TANK: variants seen among roughly 807,000 people sequenced by gnomAD.
The protein encoded by TANK is TRAF family member associated NFKB activator.
TANK carries 15 observed loss-of-function variants against 43.6 expected under a neutral mutation model. That is an observed-to-expected ratio of 0.34 (90% CI 0.23 to 0.53). The LOEUF (loss-of-function observed/expected upper bound fraction) is 0.53, where lower values mean the gene tolerates loss of function less well. Among genes scored for constraint, TANK ranks in the 20% least tolerant of loss-of-function variants. The pLI, the probability that TANK is intolerant of heterozygous loss-of-function variation, is 0.94. For missense variants in TANK, 417 were observed against 498.6 expected (o/e 0.84, Z 1.56); for synonymous variants, 162 against 178.2 (o/e 0.91, Z 0.73).
At chr2:161,144,274 G>A (rs1260850523) in intron 1 of TANK, among the ~76,000 whole-genome samples, 3 of 151,922 alleles carry the variant, frequency 2.0e-5, no homozygotes, top group Non-Finnish European at 4.4e-5. Context: ...GATTCATTGA[G>A]TTTTTGAAGG....
chr2:161,194,166 T>C (rs143163494), intron 2 of TANK, among the ~76,000 whole-genome samples: 158 of 152,188 alleles, frequency 1.0e-3, no homozygotes, highest in African/African-American at 3.6e-3. Context: ...TGATAGCAAT[T>C]TACAAGTCAG....
chr2:161,207,671 C>A, intron 4 of TANK: 1 of 985,266 alleles, frequency 1.0e-6, no homozygotes, highest in Non-Finnish European at 1.2e-6. Flanking sequence ...AAAATATGTT[C>A]CATTGGCCTA....
At chr2:161,201,996 TAA>T (rs1297033333) in intron 2 of TANK, among the ~76,000 whole-genome samples, 1 of 152,194 alleles carries the variant, frequency 6.6e-6, no homozygotes. Flanking sequence ...CTCCTATGTA[TAA>T]GTTACTTAAT....
At chr2:161,181,691 G>T (rs928755879) in intron 2 of TANK, among the ~76,000 whole-genome samples, 2 of 152,006 alleles carry the variant, frequency 1.3e-5, no homozygotes, top group South Asian at 2.1e-4. Flanking sequence ...AATAGCATGG[G>T]GAAAATCCGC....
At chr2:161,228,212 C>T (rs1374216615) in intron 6 of TANK, among the ~76,000 whole-genome samples, 1 of 152,122 alleles carries the variant, frequency 6.6e-6, no homozygotes, top group Non-Finnish European at 1.5e-5. Flanking sequence ...ACAATGATGG[C>T]CCCATAAGAT....
chr2:161,202,182 CTTTTTTTTT>C (rs35913723), intron 2 of TANK, among the ~76,000 whole-genome samples: 1 of 78,132 alleles, frequency 1.3e-5, no homozygotes, highest in African/African-American at 5.1e-5. Flanking sequence ...GCTCTAATTT[CTTTTTTTTT>C]TTTTTTTTTT....
chr2:161,148,423 C>A (rs141294341), intron 1 of TANK, among the ~76,000 whole-genome samples: 24 of 152,226 alleles, frequency 1.6e-4, no homozygotes, highest in Non-Finnish European at 3.5e-4. Context: ...ATTCTAGATT[C>A]TAGCCCCTTA....
In TANK at chr2:161,236,144, T is replaced by G. The variant is rs907770152; in HGVS notation, c.*626T>G. On this transcript the variant is annotated 3_prime_UTR_variant, in exon 8 of 8. Transcript: ENST00000392749. Reference sequence around the variant, plus strand: ...AATTTTTACTGTGTGTATAGCTACATGATGAAATTAATTAAATATTAAGAG... The same window carrying G: ...AATTTTTACTGTGTGTATAGCTACAGGATGAAATTAATTAAATATTAAGAG... 6.6e-6 allele frequency: 1 copy of G among 150,444 alleles called. No homozygotes were observed. Among genetic ancestry groups the G allele is most frequent in the Non-Finnish European group, 1.5e-5 (1 of 67,854 alleles). 9.3% of individuals were successfully genotyped at this position (150,444 alleles called of 1,614,324 possible). A position where few individuals can be genotyped will look rare whatever the true frequency, so the allele number is the denominator to read the frequency against.
chr2:161,211,057 A>G (rs1451816853), intron 4 of TANK, among the ~76,000 whole-genome samples: 1 of 152,236 alleles, frequency 6.6e-6, no homozygotes, highest in African/African-American at 2.4e-5. Context: ...TTTAGTTGAC[A>G]TAATCATGGC....
intron 5 of TANK, 88 bp downstream of exon 5, chr2:161,224,079 G>A (rs1475517955): frequency 8.8e-6 from 8 of 908,620 alleles, no homozygotes; most frequent in Non-Finnish European, 1.1e-5. Context: ...TTTAACAATT[G>A]CAAAAAAAAT....
chr2:161,235,420 C>G lies in TANK; in HGVS notation c.1180C>G (p.Arg394Gly), dbSNP rs56075631. ...CACAGACTCAGAACTGCATATACCTCGAGTATGTGAATTCTGTCAAGCAGT... is the reference window on the plus strand; with the variant it reads ...CACAGACTCAGAACTGCATATACCTGGAGTATGTGAATTCTGTCAAGCAGT... ...SGTDSELHIPRVCEFCQAVFP... is the reference protein window; with the variant it reads ...SGTDSELHIPGVCEFCQAVFP... The change falls in exon 8 of 8, where the codon CGA becomes GGA. Residue 394 changes from arginine (R) to glycine (G), a missense_variant. By Grantham distance (125) the Arg-to-Gly change is moderately radical. Coordinates refer to ENST00000392749, the MANE Select transcript of TANK (RefSeq NM_001199135.3). 8,560 of 1,613,692 alleles carry G rather than the reference C, an allele frequency of 5.3e-3. 28 individuals are homozygous for G. The highest frequency in any genetic ancestry group is 6.2e-3 in the Non-Finnish European group (7,357 of 1,179,744).
intron 1 of TANK, among the ~76,000 whole-genome samples, chr2:161,137,613 T>C (rs1399253477): frequency 6.6e-6 from 1 of 152,128 alleles, no homozygotes; most frequent in Admixed American, 6.5e-5. Context: ...AAAGTAAAAA[T>C]GTATTCATAC....
intron 4 of TANK, chr2:161,212,829 A>G (rs1239672442): frequency 4.9e-5 from 46 of 940,296 alleles, no homozygotes; most frequent in East Asian, 1.2e-4. Context: ...GTCCACCTCC[A>G]TCTTAGTCTG....
chr2:161,161,559 C>T (rs999969674), intron 1 of TANK: 2 of 1,363,548 alleles, frequency 1.5e-6, no homozygotes, highest in African/African-American at 2.9e-5. Flanking sequence ...AAGCCTTCCA[C>T]ATCTTTCCTG....
At chr2:161,220,565 T>C (rs1171612721) in intron 4 of TANK, among the ~76,000 whole-genome samples, 1 of 152,050 alleles carries the variant, frequency 6.6e-6, no homozygotes, top group Non-Finnish European at 1.5e-5. Context: ...ATCACGCCAC[T>C]GCACTCCAGC....
intron 1 of TANK, among the ~76,000 whole-genome samples, chr2:161,172,344 G>A (rs908829968): frequency 4.1e-5 from 5 of 122,418 alleles, no homozygotes; most frequent in African/African-American, 1.3e-4. Flanking sequence ...CAAAAATGTA[G>A]TTTTTTTCGG....
rs962500488 is a variant in TANK at position 161,189,656 on chromosome 2, C to CA, written c.99+9903dup. On this transcript the variant is annotated intron_variant, in intron 2 of 7. Coordinates refer to ENST00000392749, the MANE Select transcript of TANK (RefSeq NM_001199135.3). ...TAGAAAGCCCTAAAGATTCCACACC[C>CA]AAAAAAAACCCACCTGTTAGAACTA... Among the ~76,000 whole-genome samples, 8 of 151,562 alleles carry CA rather than the reference C, an allele frequency of 5.3e-5. No individual in the cohort carries two copies. In the East Asian group the frequency reaches 5.8e-4, roughly 11 times the overall value.
intron 4 of TANK, chr2:161,207,427 A>T (rs1203023441): frequency 1.0e-6 from 1 of 981,312 alleles, no homozygotes; most frequent in South Asian, 4.7e-5. Flanking sequence ...CTTTGTAACC[A>T]TTTAATAAAA....
intron 1 of TANK, among the ~76,000 whole-genome samples, chr2:161,145,684 G>C (rs1683890808): frequency 6.6e-6 from 1 of 151,912 alleles, no homozygotes; most frequent in South Asian, 2.1e-4. Context: ...TTTCTGCTGA[G>C]AGGTTCACTG....
Sources: gnomAD v4.1 joint callset for allele counts (sites outside exome capture counted in the v4.1 genomes callset) on GRCh38, gnomAD v4.1.1 for gene constraint, MANE v1.5 for transcripts, NCBI Gene and HGNC (gene_info 2026-07-23, HGNC 2026-07-21) for gene names.